Variants in ME2 observed in about 807,000 individuals in gnomAD.
The protein encoded by ME2 is malic enzyme 2.
A neutral mutation model predicts 73.7 loss-of-function variants in ME2; 60 were observed. The observed-to-expected ratio is 0.81, with a 90% CI of 0.66 to 1.01. ME2 has a LOEUF of 1.01. ME2 is among the 50% of genes least tolerant of loss of function. ME2 has a pLI of 0.00. For synonymous variants in ME2, 199 were observed against 236.9 expected (o/e 0.84, Z 1.47); for missense variants, 594 against 705.5 (o/e 0.84, Z 1.79).
At chr18:50,901,683 A>G (rs149698572) in intron 2 of ME2, among the ~76,000 whole-genome samples, 4 of 152,340 alleles carry the variant, frequency 2.6e-5, no homozygotes, top group Non-Finnish European at 4.4e-5. Flanking sequence ...CAATTGTTTG[A>G]TTACAAGGTG....
At chr18:50,893,069 G>T (rs1312018905) in intron 1 of ME2, among the ~76,000 whole-genome samples, 2 of 142,816 alleles carry the variant, frequency 1.4e-5, no homozygotes, top group African/African-American at 5.4e-5. Context: ...AGGTTGTAGC[G>T]AGCCAAGATC....
At chr18:50,928,465 C>G (rs1917617310) in intron 12 of ME2, among the ~76,000 whole-genome samples, 1 of 151,752 alleles carries the variant, frequency 6.6e-6, no homozygotes, top group Non-Finnish European at 1.5e-5. Flanking sequence ...GTCTCGATTT[C>G]CTGACCTTGT....
chr18:50,939,068 A>G (rs762010337), intron 13 of ME2: 3 of 151,582 alleles, frequency 2.0e-5, no homozygotes, highest in Non-Finnish European at 2.9e-5. Context: ...ATTTACTCCT[A>G]CAGGAAAGAG....
chr18:50,924,585 A>G (rs2144244153), intron 11 of ME2, among the ~76,000 whole-genome samples: 1 of 152,360 alleles, frequency 6.6e-6, no homozygotes, highest in East Asian at 1.9e-4. Context: ...CATTGCATAG[A>G]TGCCATCAGA....
Position 50,908,116 on chromosome 18 carries a change from A to C in ME2, c.162A>C (p.Leu54=), listed in dbSNP as rs763008370. ...AAATGCTTGGTCTTCAAGGACTTCT[A>C]CCTCCCAAAATAGAGACACAAGATA... ...ERQMLGLQGL[L]PPKIETQDIQ... is the part of the protein sequence containing the mutation. The change falls in exon 3 of 16, where the codon CTA becomes CTC. Residue 54 remains leucine, a synonymous_variant. Coordinates refer to ENST00000321341, the MANE Select transcript of ME2 (RefSeq NM_002396.5). The C allele has an allele frequency of 1.2e-6, 2 of 1,604,474 alleles. No homozygotes were observed. The highest frequency in any genetic ancestry group is 1.7e-6 in the Non-Finnish European group (2 of 1,174,168).
chr18:50,922,076 A>G (rs1917442699), intron 10 of ME2, among the ~76,000 whole-genome samples: 1 of 152,228 alleles, frequency 6.6e-6, no homozygotes, highest in Admixed American at 6.5e-5. Flanking sequence ...GGAGCAAGCT[A>G]TCTAAATGTA....
Position 50,935,586 on chromosome 18 carries a change from TAA to T in ME2, c.1417+3241_1417+3242del, listed in dbSNP as rs71171365. 4.1e-3 allele frequency: 580 copies of T among 139,798 alleles called. 9 individuals are homozygous for T. In the East Asian group the frequency reaches 0.058, roughly 14 times the overall value. 8.7% of individuals were successfully genotyped at this position (139,798 alleles called of 1,614,324 possible). A position where few individuals can be genotyped will look rare whatever the true frequency, so the allele number is the denominator to read the frequency against. On this transcript the variant is annotated intron_variant, in intron 13 of 15. Transcript: ENST00000321341. ...AGTGAGACCCCCATCTCTATAAAAT[TAA>T]AAAAAAAAAAAAAATTAGCCAGGCA... is the stretch of plus-strand genomic sequence containing the variant.
At position 50,917,444 on chromosome 18, in the gene ME2, C is replaced by T. The variant is rs767028231; in HGVS notation, c.566C>T (p.Ala189Val). 2 of 1,613,410 alleles carry T rather than the reference C, an allele frequency of 1.2e-6. No individual in the cohort carries two copies. The highest frequency in any genetic ancestry group is 2.2e-5 in the South Asian group (2 of 91,036). Residue 189 changes from alanine to valine, a missense_variant, in exon 6 of 16, where the codon GCT (alanine) becomes GTT (valine). Coordinates refer to ENST00000321341, the MANE Select transcript of ME2 (RefSeq NM_002396.5). Reference sequence around the variant, plus strand: ...GTAGGAAAACTTTGTTTGTATACAGCTTGTGCAGGAATACGGCCTGATAGA... The same window carrying T: ...GTAGGAAAACTTTGTTTGTATACAGTTTGTGCAGGAATACGGCCTGATAGA... ...IPVGKLCLYT[A>V]CAGIRPDRCL... is the part of the protein sequence containing the mutation.
chr18:50,899,474 A>G (rs549001219), intron 2 of ME2, among the ~76,000 whole-genome samples: 1 of 152,224 alleles, frequency 6.6e-6, no homozygotes, highest in South Asian at 2.1e-4. Flanking sequence ...AAAATTAGCC[A>G]AGCACTGTGG....
In ME2 at chr18:50,950,200, T is replaced by C. The variant is rs1918189757; in HGVS notation, c.*3016T>C. The C allele has an allele frequency of 6.6e-6, 1 of 152,168 alleles. No homozygotes were observed. The highest frequency in any genetic ancestry group is 2.4e-5 in the African/African-American group (1 of 41,432). 9.4% of individuals were successfully genotyped at this position (152,168 alleles called of 1,614,324 possible). A position where few individuals can be genotyped will look rare whatever the true frequency, so the allele number is the denominator to read the frequency against. On this transcript the variant is annotated 3_prime_UTR_variant, in exon 16 of 16. Transcript: ENST00000321341. ...GACAATGAGAAGTTTTAGTCCAAGA[T>C]TTTAGTTAAAATATTTTAAAATTTT...
chr18:50,912,181 A>G (rs1489855956), intron 3 of ME2, among the ~76,000 whole-genome samples: 12 of 152,212 alleles, frequency 7.9e-5, no homozygotes, highest in African/African-American at 2.9e-4. Flanking sequence ...TTAATTCAAG[A>G]TGATTACTGA....
In ME2 at chr18:50,932,462, C is replaced by T. The variant is rs995001788; in HGVS notation, c.1417+102C>T. The T allele has an allele frequency of 5.1e-6, 4 of 781,556 alleles. No individual in the cohort carries two copies. The African/African-American group carries it at 7.2e-5, about 14-fold the overall frequency. The allele number at this position is 781,556 out of a possible 1,614,324, so 48.4% of individuals were successfully genotyped here. ...GAGACTGAACTGAGCAACAGTATTA[C>T]AGAATTTTGGTATAAATGTACAAGG... On this transcript the variant is annotated intron_variant, in intron 13 of 15. Transcript: ENST00000321341.
chr18:50,931,682 CT>C (rs202143574), intron 12 of ME2, among the ~76,000 whole-genome samples: 7 of 138,328 alleles, frequency 5.1e-5, no homozygotes, highest in Admixed American at 7.2e-5. Flanking sequence ...TTTTCTTTTT[CT>C]TTTTTTTTTG....
intron 3 of ME2, among the ~76,000 whole-genome samples, chr18:50,910,385 G>A (rs1466331140): frequency 6.7e-6 from 1 of 149,042 alleles, no homozygotes; most frequent in Non-Finnish European, 1.5e-5. Flanking sequence ...GCTGCAGTGA[G>A]CCATGATTGC....
chr18:50,925,776 C>T lies in ME2; in HGVS notation c.1192C>T (p.Leu398Phe). ...TIIGVAGAGR[L>F]FTPDVIRAMA... ...TACAGGAGTTGCAGGTGCTGGCCGT[C>T]TTTTCACTCCTGATGTAATCAGAGC... is the stretch of plus-strand genomic sequence containing the variant. The change falls in exon 12 of 16, where the codon CTT (leucine) becomes TTT (phenylalanine). Residue 398 changes from leucine (L) to phenylalanine (F), a missense_variant. By Grantham distance (22) the Leu-to-Phe change is conservative. Coordinates refer to ENST00000321341, the MANE Select transcript of ME2 (RefSeq NM_002396.5). 2 of 1,613,904 alleles carry T rather than the reference C, an allele frequency of 1.2e-6. No individual in the cohort carries two copies. Among genetic ancestry groups the T allele is most frequent in the Non-Finnish European group, 1.7e-6 (2 of 1,179,888 alleles).
chr18:50,898,023 C>T (rs1235672253), intron 2 of ME2, among the ~76,000 whole-genome samples: 1 of 152,162 alleles, frequency 6.6e-6, no homozygotes, highest in East Asian at 1.9e-4. Context: ...AGAACATAGA[C>T]CAGTGATTCC....
chr18:50,920,436 G>T lies in ME2; in HGVS notation c.735-20G>T. On this transcript the variant is annotated intron_variant, in intron 7 of 15. Coordinates refer to ENST00000321341, the MANE Select transcript of ME2 (RefSeq NM_002396.5). ...TAGTGTTATTTTCAACACAACTATT[G>T]TGGGTTTTGCTGTTTTTAGATATGG... 1 of 1,492,608 alleles carries T rather than the reference G, an allele frequency of 6.7e-7. No homozygotes were observed. The highest frequency in any genetic ancestry group is 9.2e-7 in the Non-Finnish European group (1 of 1,085,630). 92.5% of individuals were successfully genotyped at this position (1,492,608 alleles called of 1,614,324 possible). A position where few individuals can be genotyped will look rare whatever the true frequency, so the allele number is the denominator to read the frequency against.
Position 50,940,387 on chromosome 18 carries a change from G to C in ME2, c.1587+1G>C. 1 of 1,543,274 alleles carries C rather than the reference G, an allele frequency of 6.5e-7. No individual in the cohort carries two copies. The highest frequency in any genetic ancestry group is 8.9e-7 in the Non-Finnish European group (1 of 1,125,426). Reference sequence around the variant, plus strand: ...AGTTTCTATTAACATTGCTATTAAAGTAAGTAATAACTTAAACTTCTTCAC... The same window carrying C: ...AGTTTCTATTAACATTGCTATTAAACTAAGTAATAACTTAAACTTCTTCAC... On this transcript the variant is annotated splice_donor_variant, in intron 15 of 15. Coordinates refer to ENST00000321341, the MANE Select transcript of ME2 (RefSeq NM_002396.5). LOFTEE classifies it high-confidence loss of function.
At chr18:50,937,689 T>A (rs1346101247) in intron 13 of ME2, among the ~76,000 whole-genome samples, 14 of 151,836 alleles carry the variant, frequency 9.2e-5, no homozygotes, top group African/African-American at 2.4e-5. Context: ...TTTTATTTTT[T>A]AAAAAAATAG....
Sources: allele counts gnomAD v4.1 joint callset (sites outside exome capture counted in the v4.1 genomes callset), GRCh38; gene constraint gnomAD v4.1.1; transcripts MANE v1.5; gene names NCBI Gene and HGNC (gene_info 2026-07-23, HGNC 2026-07-21).